Variants in C13orf42 observed in about 807,000 individuals in gnomAD.
C13orf42 encodes the protein chromosome 13 open reading frame 42, also known as uncharacterized protein C13orf42.
intron 1 of C13orf42, chr13:51,162,294 A>T (rs1953871709): frequency 5.1e-6 from 1 of 196,380 alleles, no homozygotes; most frequent in Non-Finnish European, 1.1e-5. Flanking sequence ...GTCACTTGGT[A>T]TCTCTTACAG....
intron 1 of C13orf42, among the ~76,000 whole-genome samples, chr13:51,095,763 C>T (rs1953227883): frequency 6.6e-6 from 1 of 152,034 alleles, no homozygotes; most frequent in African/African-American, 2.4e-5. Context: ...TGTGTGTTTT[C>T]CACCTGTTCC....
intron 1 of C13orf42, among the ~76,000 whole-genome samples, chr13:51,125,463 C>G (rs942479904): frequency 6.6e-6 from 1 of 152,168 alleles, no homozygotes; most frequent in African/African-American, 2.4e-5. Context: ...TTTTAAACTC[C>G]CTTTGAGTGG....
chr13:51,101,871 CAAG>C (rs554116930), intron 1 of C13orf42, among the ~76,000 whole-genome samples: 2 of 152,172 alleles, frequency 1.3e-5, no homozygotes, highest in South Asian at 4.1e-4. Context: ...TCTCAAAGGA[CAAG>C]AAGTTAGCCA....
intron 1 of C13orf42, among the ~76,000 whole-genome samples, chr13:51,105,308 T>G (rs1346443527): frequency 6.6e-6 from 1 of 152,238 alleles, no homozygotes; most frequent in Non-Finnish European, 1.5e-5. Flanking sequence ...ATTCTGGTCT[T>G]GCTCTCTCGC....
In C13orf42 at chr13:51,171,221, A is replaced by C. The variant is rs1469387441; in HGVS notation, n.136+1032T>G. On this transcript the variant is annotated intron_variant and non_coding_transcript_variant, in intron 1 of 4. Transcript: ENST00000433280. ...TCACACCTGACCTAAAACCTAAATG[A>C]CTTATTTTCTTCTGCAATGCCGTTT... is the stretch of plus-strand genomic sequence containing the variant. 5.9e-5 allele frequency among the ~76,000 whole-genome samples: 9 copies of C among 152,042 alleles called. No individual in the cohort carries two copies. In the South Asian group the frequency reaches 6.2e-4, roughly 11 times the overall value.
At chr13:51,153,439 C>T (rs916583323) in intron 1 of C13orf42, among the ~76,000 whole-genome samples, 2 of 150,196 alleles carry the variant, frequency 1.3e-5, no homozygotes, top group South Asian at 4.2e-4. Context: ...AATAAAAAAA[C>T]ATGACAGAGA....
chr13:51,123,091 C>T (rs1389059531), intron 1 of C13orf42, among the ~76,000 whole-genome samples: 1 of 152,168 alleles, frequency 6.6e-6, no homozygotes, highest in African/African-American at 2.4e-5. Context: ...CAAAACCACA[C>T]GTGGTGAATG....
Position 51,094,983 on chromosome 13 carries a change from T to G in C13orf42, c.415-6908A>C, listed in dbSNP as rs530773112. Among the ~76,000 whole-genome samples the G allele has an allele frequency of 3.3e-5, 5 of 152,162 alleles. No individual in the cohort carries two copies. The East Asian group carries it at 5.8e-4, about 18-fold the overall frequency. ...GATCTGATGGTTTTATAAAGGGGAG[T>G]TCCCCTGCACATGCTCTCTTGCTTG... On this transcript the variant is annotated intron_variant, in intron 1 of 3. Transcript: ENST00000563710.
Position 51,120,066 on chromosome 13 carries a change from T to C in C13orf42, n.137-6844A>G, listed in dbSNP as rs202025799. ...GAAGTCCGCGCTGATTTATAGGCAC[T>C]CAATAAATGGTCACTCAATAATAGT... On this transcript the variant is annotated intron_variant and non_coding_transcript_variant, in intron 1 of 4. Transcript: ENST00000433280. Among the ~76,000 whole-genome samples, 3 of 152,274 alleles carry C rather than the reference T, an allele frequency of 2.0e-5. No homozygotes were observed. The East Asian group carries it at 5.8e-4, about 29-fold the overall frequency.
intron 1 of C13orf42, among the ~76,000 whole-genome samples, chr13:51,129,890 A>C (rs986062561): frequency 6.6e-6 from 1 of 152,154 alleles, no homozygotes; most frequent in Non-Finnish European, 1.5e-5. Flanking sequence ...TGAAAAAAAT[A>C]AACTGGATGG....
intron 1 of C13orf42, among the ~76,000 whole-genome samples, chr13:51,102,956 C>T (rs147308574): frequency 4.6e-5 from 7 of 152,300 alleles, no homozygotes; most frequent in African/African-American, 1.2e-4. Context: ...CCTATCATGA[C>T]AGCATGGGGT....
In C13orf42 at chr13:51,082,821, T is replaced by G. The variant is rs963969348; in HGVS notation, c.*1330A>C. 1 of 152,252 alleles carries G rather than the reference T, an allele frequency of 6.6e-6. No individual in the cohort carries two copies. Among genetic ancestry groups the G allele is most frequent in the Non-Finnish European group, 1.5e-5 (1 of 68,036 alleles). The allele number at this position is 152,252 out of a possible 1,614,324, so 9.4% of individuals were successfully genotyped here. On this transcript the variant is annotated 3_prime_UTR_variant, in exon 4 of 4. Transcript: ENST00000563710. ...GTATGGTTTCATTCTGAAAACATGT[T>G]GAGATAAAATTTCTAAGAATGCAAT...
chr13:51,135,304 A>T (rs1953649086), intron 1 of C13orf42, among the ~76,000 whole-genome samples: 1 of 152,114 alleles, frequency 6.6e-6, no homozygotes, highest in African/African-American at 2.4e-5. Flanking sequence ...GATGGATCTG[A>T]TACTCCCTGG....
intron 1 of C13orf42, among the ~76,000 whole-genome samples, chr13:51,101,604 T>C (rs9526719): frequency 0.12 from 17,622 of 152,298 alleles, 1,341 homozygotes; most frequent in Non-Finnish European, 0.17. Flanking sequence ...AAATTACAAT[T>C]GGAGTTTCTC....
intron 1 of C13orf42, among the ~76,000 whole-genome samples, chr13:51,129,238 A>G (rs367675927): frequency 8.5e-5 from 13 of 152,166 alleles, no homozygotes; most frequent in African/African-American, 2.9e-4. Context: ...GCAAAACAGA[A>G]TATCTGTGTG....
At chr13:51,135,075 G>A (rs555922540) in intron 1 of C13orf42, among the ~76,000 whole-genome samples, 14 of 152,272 alleles carry the variant, frequency 9.2e-5, no homozygotes, top group East Asian at 3.9e-4. Flanking sequence ...TTGAACCCTC[G>A]GGAGGCCTCT....
intron 1 of C13orf42, 60 bp downstream of exon 1, chr13:51,110,736 C>T (rs756738494): frequency 4.5e-5 from 18 of 397,900 alleles, no homozygotes; most frequent in Non-Finnish European, 7.1e-5. Flanking sequence ...AGCTTTCAAA[C>T]AGTTGCCCAA....
intron 1 of C13orf42, among the ~76,000 whole-genome samples, chr13:51,130,355 CT>C (rs1467673981): frequency 1.3e-5 from 2 of 152,082 alleles, no homozygotes; most frequent in African/African-American, 2.4e-5. Flanking sequence ...AGCGTGCCCC[CT>C]ATCTATGCAA....
chr13:51,166,446 G>A, intron 1 of C13orf42, among the ~76,000 whole-genome samples: 1 of 109,902 alleles, frequency 9.1e-6, no homozygotes, highest in Admixed American at 1.1e-4. Flanking sequence ...ACTGTGGTGG[G>A]GTGGGGGGAG....
Sources: allele counts gnomAD v4.1 joint callset (sites outside exome capture counted in the v4.1 genomes callset), GRCh38; gene constraint gnomAD v4.1.1; transcripts MANE v1.5; gene names NCBI Gene and HGNC (gene_info 2026-07-23, HGNC 2026-07-21).